The following RABGAP1L variants were observed in gnomAD, a reference collection of about 807,000 sequenced individuals.
The protein encoded by RABGAP1L is RAB GTPase activating protein 1 like, also known as rab GTPase-activating protein 1-like.
Under a neutral mutation model 137.7 loss-of-function variants are expected in RABGAP1L, and 63 were observed. That is an observed-to-expected ratio of 0.46 (90% CI 0.37 to 0.56). RABGAP1L has a LOEUF of 0.56. RABGAP1L is among the 20% of genes least tolerant of loss of function. RABGAP1L has a pLI of 0.00. For missense variants in RABGAP1L, 1,095 were observed against 1,244.0 expected (o/e 0.88, Z 1.80); for synonymous variants, 431 against 433.7 (o/e 0.99, Z 0.08).
chr1:174,163,402 G>A (rs1005679343), intron 1 of RABGAP1L, among the ~76,000 whole-genome samples: 3 of 152,078 alleles, frequency 2.0e-5, no homozygotes, highest in Non-Finnish European at 2.9e-5. Context: ...TTGGGTATAC[G>A]AAGTTTATGC....
At chr1:174,160,442 G>A (rs1664348475) in intron 1 of RABGAP1L, among the ~76,000 whole-genome samples, 1 of 152,192 alleles carries the variant, frequency 6.6e-6, no homozygotes, top group Non-Finnish European at 1.5e-5. Context: ...CATGGGAGCT[G>A]AACTGACGGG....
intron 1 of RABGAP1L, among the ~76,000 whole-genome samples, chr1:174,193,349 T>C (rs981484472): frequency 1.3e-5 from 2 of 152,158 alleles, no homozygotes; most frequent in Admixed American, 6.5e-5. Flanking sequence ...CTTGCCAACA[T>C]GACAAAACCC....
At chr1:174,456,559 A>G (rs1656061210) in intron 13 of RABGAP1L, among the ~76,000 whole-genome samples, 1 of 152,056 alleles carries the variant, frequency 6.6e-6, no homozygotes, top group African/African-American at 2.4e-5. Context: ...TATGTTTGTA[A>G]TCTATAAATT....
chr1:174,175,547 C>T (rs1417439294), intron 1 of RABGAP1L, among the ~76,000 whole-genome samples: 1 of 149,504 alleles, frequency 6.7e-6, no homozygotes, highest in Non-Finnish European at 1.5e-5. Context: ...GTAACCTCTG[C>T]CTGCTGGGCT....
At chr1:174,614,438 G>A (rs1181403701) in intron 13 of RABGAP1L, among the ~76,000 whole-genome samples, 3 of 152,092 alleles carry the variant, frequency 2.0e-5, no homozygotes, top group African/African-American at 7.2e-5. Context: ...ACTTTCTGCC[G>A]AGAGATCTGC....
At chr1:174,939,547 C>CAAAAAAA (rs780377420) in intron 19 of RABGAP1L, among the ~76,000 whole-genome samples, 1 of 79,208 alleles carries the variant, frequency 1.3e-5, no homozygotes, top group African/African-American at 3.1e-5. Context: ...CTCTGTCTCA[C>CAAAAAAA]AAAAAAAAAA....
chr1:174,975,046 C>A (rs1045178229), intron 21 of RABGAP1L, among the ~76,000 whole-genome samples: 2 of 152,242 alleles, frequency 1.3e-5, no homozygotes, highest in Non-Finnish European at 2.9e-5. Context: ...CATCCTGTGG[C>A]CTTCTGCCAT....
At chr1:174,539,264 T>C (rs1665155659) in intron 13 of RABGAP1L, among the ~76,000 whole-genome samples, 1 of 152,094 alleles carries the variant, frequency 6.6e-6, no homozygotes, top group Admixed American at 6.6e-5. Flanking sequence ...TTTTGATTTA[T>C]TTTTTTCATT....
At chr1:174,508,760 A>G (rs1016886998) in intron 13 of RABGAP1L, among the ~76,000 whole-genome samples, 1 of 152,114 alleles carries the variant, frequency 6.6e-6, no homozygotes, top group Non-Finnish European at 1.5e-5. Flanking sequence ...ACATGTTTTT[A>G]TTTGTAAACT....
intron 4 of RABGAP1L, among the ~76,000 whole-genome samples, chr1:174,237,994 T>A (rs1042799641): frequency 2.0e-5 from 3 of 151,546 alleles, no homozygotes; most frequent in Admixed American, 1.3e-4. Flanking sequence ...TTCTCTAAAC[T>A]TCCCTTCTCA....
chr1:174,414,007 C>G (rs73038674), intron 13 of RABGAP1L, among the ~76,000 whole-genome samples: 2 of 152,042 alleles, frequency 1.3e-5, no homozygotes, highest in Non-Finnish European at 2.9e-5. Context: ...TTAAATTTCT[C>G]TCAACTGTGA....
intron 13 of RABGAP1L, among the ~76,000 whole-genome samples, chr1:174,436,481 C>T (rs1335430107): frequency 1.3e-5 from 2 of 152,146 alleles, no homozygotes; most frequent in African/African-American, 4.8e-5. Flanking sequence ...TCATATCCTT[C>T]ACCCACTTTT....
chr1:174,586,025 T>G (rs1669085295), intron 13 of RABGAP1L, among the ~76,000 whole-genome samples: 1 of 152,196 alleles, frequency 6.6e-6, no homozygotes, highest in South Asian at 2.1e-4. Context: ...CATTACTGGA[T>G]GTATACCCAA....
intron 13 of RABGAP1L, among the ~76,000 whole-genome samples, chr1:174,458,393 A>T (rs1040935200): frequency 6.6e-6 from 1 of 151,954 alleles, no homozygotes; most frequent in African/African-American, 2.4e-5. Flanking sequence ...GAGACATTAT[A>T]ATGCCCTTTG....
chr1:174,318,499 C>A (rs1679608790), intron 11 of RABGAP1L, among the ~76,000 whole-genome samples: 1 of 151,900 alleles, frequency 6.6e-6, no homozygotes, highest in Admixed American at 6.6e-5. Flanking sequence ...CACTCTATGT[C>A]TTTTGATTGA....
rs549805179 is a variant in RABGAP1L at position 174,458,056 on chromosome 1, T to A, written c.1710+63911T>A. 3.9e-5 allele frequency among the ~76,000 whole-genome samples: 6 copies of A among 152,250 alleles called. 1 individual carries two copies. Among genetic ancestry groups the A allele is most frequent in the African/African-American group, 1.4e-4 (6 of 41,558 alleles). Reference sequence around the variant, plus strand: ...TGTGTAAGATAAGGAGATTTCTAAGTAAAACAGATTTTCAGTTCTCCAAGA... The same window carrying A: ...TGTGTAAGATAAGGAGATTTCTAAGAAAAACAGATTTTCAGTTCTCCAAGA... On this transcript the variant is annotated intron_variant, in intron 13 of 25. Transcript: ENST00000681986.
intron 14 of RABGAP1L, among the ~76,000 whole-genome samples, chr1:174,660,597 G>GGT (rs1399723854): frequency 6.6e-6 from 1 of 151,968 alleles, no homozygotes; most frequent in Non-Finnish European, 1.5e-5. Flanking sequence ...ACATTCTTAC[G>GGT]GTGATTTACC....
intron 10 of RABGAP1L, among the ~76,000 whole-genome samples, chr1:174,295,948 C>A (rs952689257): frequency 1.3e-5 from 2 of 152,152 alleles, no homozygotes; most frequent in African/African-American, 4.8e-5. Flanking sequence ...TGATGAAAAG[C>A]AGTAGATGAA....
chr1:174,339,373 C>T (rs551315792), intron 11 of RABGAP1L, among the ~76,000 whole-genome samples: 1 of 152,184 alleles, frequency 6.6e-6, no homozygotes, highest in African/African-American at 2.4e-5. Flanking sequence ...ATGGCAGGCA[C>T]CCAGTTTTCT....
Sources: allele counts gnomAD v4.1 joint callset (sites outside exome capture counted in the v4.1 genomes callset), GRCh38; gene constraint gnomAD v4.1.1; transcripts MANE v1.5; gene names NCBI Gene and HGNC (gene_info 2026-07-23, HGNC 2026-07-21).